COX7B2: variants seen among roughly 807,000 people sequenced by gnomAD.
The protein encoded by COX7B2 is cytochrome c oxidase subunit 7B2, mitochondrial.
For missense variants in COX7B2, 109 were observed against 95.9 expected, an observed-to-expected ratio of 1.14 and a Z score of -0.57; for synonymous variants, 37 against 32.1, an observed-to-expected ratio of 1.15 and a Z score of -0.51.
chr4:46,853,202 G>C (rs977354607), intron 1 of COX7B2, among the ~76,000 whole-genome samples: 1 of 152,040 alleles, frequency 6.6e-6, no homozygotes. Flanking sequence ...TGATTTTATG[G>C]ACCATCACTA....
rs1027336497 is a variant in COX7B2, at chr4:46,886,506, C to T, written c.-105+22654G>A. On this transcript the variant is annotated intron_variant, in intron 1 of 2. Coordinates refer to ENST00000355591, the MANE Select transcript of COX7B2 (RefSeq NM_130902.3). ...ACAAGAACTTATTCCTTCTATCCAG[C>T]GTATTTTCATACTCATTAAACAACT... is the stretch of plus-strand genomic sequence containing the variant. Among the ~76,000 whole-genome samples, 11 of 152,210 alleles carry T rather than the reference C, an allele frequency of 7.2e-5. 2 individuals carry two copies. The highest frequency in any genetic ancestry group is 1.3e-4 in the Admixed American group (2 of 15,294).
In COX7B2 at chr4:46,774,332, T is replaced by C. The variant is rs73813554; in HGVS notation, c.-49-39091A>G. Among the ~76,000 whole-genome samples the C allele has an allele frequency of 8.0e-3, 1,221 of 152,098 alleles. 20 individuals are homozygous for C. The highest frequency in any genetic ancestry group is 0.028 in the African/African-American group (1,140 of 41,394). On this transcript the variant is annotated intron_variant, in intron 2 of 2. Transcript: ENST00000355591. ...CTACTTTCAATCATTGTGTTGAATT[T>C]AAAATTTACCTGACCTTGTCTTCAA... is the stretch of plus-strand genomic sequence containing the variant.
intron 2 of COX7B2, among the ~76,000 whole-genome samples, chr4:46,817,294 C>T (rs542921574): frequency 6.6e-6 from 1 of 152,154 alleles, no homozygotes; most frequent in South Asian, 2.1e-4. Context: ...TTATTTTTTC[C>T]ATTATAATAA....
rs185563732 is a variant in COX7B2 at position 46,735,594 on chromosome 4, G to A, written c.-49-353C>T. 8.5e-5 allele frequency among the ~76,000 whole-genome samples: 13 copies of A among 152,114 alleles called. No individual in the cohort carries two copies. In the East Asian group the frequency reaches 2.1e-3, roughly 25 times the overall value. The stretch of plus-strand genomic sequence containing the variant: ...CAATAGACAGAAAGTCACAGAACAC[G>A]CCATGCCTCCTCACTCTCCTCCTCC... On this transcript the variant is annotated intron_variant, in intron 2 of 2. Coordinates refer to ENST00000355591, the MANE Select transcript of COX7B2 (RefSeq NM_130902.3).
At chr4:46,853,733 A>G (rs1368641152) in intron 1 of COX7B2, among the ~76,000 whole-genome samples, 1 of 152,090 alleles carries the variant, frequency 6.6e-6, no homozygotes, top group African/African-American at 2.4e-5. Flanking sequence ...TTAAGTGAAT[A>G]TATAAAATAG....
At chr4:46,745,343 G>A (rs1456519642) in intron 2 of COX7B2, among the ~76,000 whole-genome samples, 1 of 152,076 alleles carries the variant, frequency 6.6e-6, no homozygotes, top group African/African-American at 2.4e-5. Context: ...AACTTATGGT[G>A]CATTCGCAGA....
chr4:46,866,791 A>G (rs1183367053), intron 1 of COX7B2, among the ~76,000 whole-genome samples: 1 of 152,148 alleles, frequency 6.6e-6, no homozygotes, highest in Non-Finnish European at 1.5e-5. Flanking sequence ...CAAATGTAAT[A>G]GTGTTGCATT....
intron 1 of COX7B2, among the ~76,000 whole-genome samples, chr4:46,886,067 C>T (rs953349551): frequency 3.3e-5 from 5 of 152,128 alleles, no homozygotes; most frequent in African/African-American, 7.2e-5. Context: ...GAAAAGAAGG[C>T]TAATTAATAA....
chr4:46,893,650 C>T (rs2109877209), intron 1 of COX7B2, among the ~76,000 whole-genome samples: 1 of 152,164 alleles, frequency 6.6e-6, no homozygotes, highest in South Asian at 2.1e-4. Context: ...AGTGAGAATC[C>T]ATGGATAAAG....
intron 2 of COX7B2, among the ~76,000 whole-genome samples, chr4:46,740,410 T>G (rs541574285): frequency 2.0e-4 from 31 of 152,236 alleles, no homozygotes; most frequent in African/African-American, 7.2e-4. Context: ...TATCGTTGTA[T>G]TAAGCTCCCA....
chr4:46,744,397 T>C (rs1198335264), intron 2 of COX7B2, among the ~76,000 whole-genome samples: 1 of 152,104 alleles, frequency 6.6e-6, no homozygotes, highest in African/African-American at 2.4e-5. Flanking sequence ...TTGATCTCCC[T>C]CCCATCTCCT....
intron 2 of COX7B2, among the ~76,000 whole-genome samples, chr4:46,759,255 A>AGTT (rs1400111717): frequency 6.6e-6 from 1 of 152,140 alleles, no homozygotes; most frequent in Non-Finnish European, 1.5e-5. Context: ...CGGAAGAAAT[A>AGTT]AACTAAGAAG....
intron 2 of COX7B2, among the ~76,000 whole-genome samples, chr4:46,792,662 TG>T (rs1378627425): frequency 6.6e-6 from 1 of 152,146 alleles, no homozygotes; most frequent in African/African-American, 2.4e-5. Context: ...GAGCAGACTG[TG>T]GGACTTCTCA....
At chr4:46,814,460 A>T (rs1379189284) in intron 2 of COX7B2, among the ~76,000 whole-genome samples, 1 of 152,228 alleles carries the variant, frequency 6.6e-6, no homozygotes, top group Non-Finnish European at 1.5e-5. Context: ...AAAAATTACT[A>T]ACTGTATAGT....
At chr4:46,735,485 G>T (rs193053732) in intron 2 of COX7B2, among the ~76,000 whole-genome samples, 1 of 152,278 alleles carries the variant, frequency 6.6e-6, no homozygotes, top group Non-Finnish European at 1.5e-5. Context: ...AACAAGGTAA[G>T]CATGTAATAA....
chr4:46,891,497 A>C (rs1266481293), intron 1 of COX7B2, among the ~76,000 whole-genome samples: 1 of 152,216 alleles, frequency 6.6e-6, no homozygotes, highest in South Asian at 2.1e-4. Flanking sequence ...ATGTCCCAAA[A>C]GTCAACTGAA....
chr4:46,886,328 G>A (rs555447079), intron 1 of COX7B2, among the ~76,000 whole-genome samples: 6 of 152,282 alleles, frequency 3.9e-5, no homozygotes, highest in Non-Finnish European at 7.4e-5. Context: ...TATATACAAT[G>A]TGTAATGATT....
intron 2 of COX7B2, among the ~76,000 whole-genome samples, chr4:46,793,193 A>G (rs1164315090): frequency 6.6e-6 from 1 of 151,924 alleles, no homozygotes; most frequent in East Asian, 1.9e-4. Flanking sequence ...GAGAAGTTTT[A>G]TGGTGGGGTT....
chr4:46,890,672 T>G lies in COX7B2; in HGVS notation c.-105+18488A>C, dbSNP rs566891168. ...GTGAAAGGACAAACCATATGAACAT[T>G]TGGATAAAGAGCATTCTGGACAGAG... On this transcript the variant is annotated intron_variant, in intron 1 of 2. Transcript: ENST00000355591. Among the ~76,000 whole-genome samples the G allele has an allele frequency of 2.0e-3, 307 of 152,162 alleles. 6 individuals carry two copies. The highest frequency in any genetic ancestry group is 2.4e-4 in the Non-Finnish European group (16 of 67,984).
Sources: gnomAD v4.1 joint callset for allele counts (sites outside exome capture counted in the v4.1 genomes callset) on GRCh38, gnomAD v4.1.1 for gene constraint, MANE v1.5 for transcripts, NCBI Gene and HGNC (gene_info 2026-07-23, HGNC 2026-07-21) for gene names.